Variants in ANO3 observed in about 807,000 individuals in gnomAD.
ANO3 encodes the protein anoctamin 3.
In ANO3, 99 loss-of-function variants were observed where a neutral mutation model predicts 144.8. The ratio of observed to expected loss-of-function variants is 0.68; its 90% CI spans 0.58 to 0.81. ANO3 has a LOEUF of 0.81. Among genes scored for constraint, ANO3 ranks in the 30% least tolerant of loss-of-function variants. ANO3 has a pLI of 0.00. For missense variants in ANO3, 905 were observed against 1,202.2 expected (o/e 0.75, Z 3.66); for synonymous variants, 414 against 392.6 (o/e 1.05, Z -0.64).
At chr11:26,425,553 C>T (rs1229588453) in intron 1 of ANO3, among the ~76,000 whole-genome samples, 1 of 151,910 alleles carries the variant, frequency 6.6e-6, no homozygotes, top group Non-Finnish European at 1.5e-5. Flanking sequence ...AAATTGTATT[C>T]TATTTCATTT....
At chr11:26,614,135 G>T (rs1852180536) in intron 17 of ANO3, among the ~76,000 whole-genome samples, 2 of 152,218 alleles carry the variant, frequency 1.3e-5, no homozygotes, top group Non-Finnish European at 2.9e-5. Flanking sequence ...ACATATGCAG[G>T]TGTTGGGGAT....
chr11:26,510,990 T>C (rs1219496232), intron 5 of ANO3, among the ~76,000 whole-genome samples: 6 of 152,202 alleles, frequency 3.9e-5, no homozygotes, highest in African/African-American at 1.4e-4. Context: ...TCTACTCTTA[T>C]TCCTGAACAG....
intron 14 of ANO3, among the ~76,000 whole-genome samples, chr11:26,567,442 G>T (rs1428052527): frequency 6.6e-6 from 1 of 151,774 alleles, no homozygotes; most frequent in Non-Finnish European, 1.5e-5. Flanking sequence ...CAGCCTTGTT[G>T]ATTTTTCATT....
chr11:26,302,484 ACT>A (rs1235818371), intron 1 of ANO3, among the ~76,000 whole-genome samples: 1 of 152,110 alleles, frequency 6.6e-6, no homozygotes, highest in African/African-American at 2.4e-5. Context: ...ACAGAGTGAG[ACT>A]CTGTCTCAAA....
At chr11:26,433,315 G>C (rs1057011104) in intron 1 of ANO3, among the ~76,000 whole-genome samples, 1 of 152,068 alleles carries the variant, frequency 6.6e-6, no homozygotes, top group South Asian at 2.1e-4. Flanking sequence ...AGTTTTCTAC[G>C]TATACAATCA....
intron 10 of ANO3, among the ~76,000 whole-genome samples, chr11:26,539,013 A>C (rs1424414358): frequency 6.6e-6 from 1 of 151,886 alleles, no homozygotes; most frequent in Non-Finnish European, 1.5e-5. Context: ...CCAATCTCTT[A>C]TTTTTACCAG....
intron 1 of ANO3, among the ~76,000 whole-genome samples, chr11:26,201,568 C>G (rs1851693178): frequency 6.6e-6 from 1 of 151,960 alleles, no homozygotes; most frequent in Non-Finnish European, 1.5e-5. Flanking sequence ...AGCTGACTGA[C>G]TCTGACTTCG....
intron 1 of ANO3, among the ~76,000 whole-genome samples, chr11:26,345,300 A>T (rs1261607466): frequency 6.6e-6 from 1 of 152,204 alleles, no homozygotes. Flanking sequence ...TATGCCTGTA[A>T]TCCCAGCACT....
intron 3 of ANO3, among the ~76,000 whole-genome samples, chr11:26,446,266 A>G (rs184819569): frequency 4.7e-4 from 72 of 152,364 alleles, no homozygotes; most frequent in Admixed American, 1.1e-3. Flanking sequence ...CATTTTGGCA[A>G]TACATGTTCT....
At chr11:26,613,214 G>A (rs1210405846) in intron 17 of ANO3, among the ~76,000 whole-genome samples, 1 of 151,918 alleles carries the variant, frequency 6.6e-6, no homozygotes, top group Non-Finnish European at 1.5e-5. Flanking sequence ...TTCTCTGACT[G>A]TTATTTTAAA....
chr11:26,616,545 A>G (rs1219336663), intron 17 of ANO3, among the ~76,000 whole-genome samples: 1 of 152,024 alleles, frequency 6.6e-6, no homozygotes, highest in African/African-American at 2.4e-5. Flanking sequence ...GGCAAAGGAA[A>G]ATGAAGGAGC....
intron 4 of ANO3, among the ~76,000 whole-genome samples, chr11:26,482,383 A>G (rs1273785689): frequency 6.6e-6 from 1 of 151,108 alleles, no homozygotes; most frequent in African/African-American, 2.4e-5. Flanking sequence ...TACAAATCTA[A>G]CATTTTAATT....
chr11:26,338,277 A>C (rs752403035), intron 1 of ANO3, among the ~76,000 whole-genome samples: 31 of 152,168 alleles, frequency 2.0e-4, no homozygotes, highest in Non-Finnish European at 2.5e-4. Flanking sequence ...AGCACTCTGT[A>C]AAAATGCACC....
chr11:26,658,375 A>T (rs533996506), intron 26 of ANO3, among the ~76,000 whole-genome samples: 1 of 152,212 alleles, frequency 6.6e-6, no homozygotes, highest in African/African-American at 2.4e-5. Flanking sequence ...GAACTTTGGG[A>T]GGCCCAGGCA....
intron 1 of ANO3, among the ~76,000 whole-genome samples, chr11:26,415,795 A>G (rs960286271): frequency 2.8e-4 from 43 of 152,090 alleles, no homozygotes; most frequent in Admixed American, 1.1e-3. Context: ...TCTCTGCACA[A>G]TGTGAATGAT....
intron 1 of ANO3, among the ~76,000 whole-genome samples, chr11:26,254,793 T>G (rs1853017374): frequency 6.6e-6 from 1 of 152,166 alleles, no homozygotes. Context: ...ATTAAAATTA[T>G]GTGAAGCTCA....
chr11:26,214,623 G>C (rs1188129462), intron 1 of ANO3, among the ~76,000 whole-genome samples: 1 of 151,812 alleles, frequency 6.6e-6, no homozygotes, highest in African/African-American at 2.4e-5. Context: ...TTTTAGAACA[G>C]ATTTAGGTTT....
intron 1 of ANO3, among the ~76,000 whole-genome samples, chr11:26,240,943 T>C (rs1361903657): frequency 6.6e-6 from 1 of 152,208 alleles, no homozygotes; most frequent in Non-Finnish European, 1.5e-5. Context: ...ATGGTTTGGC[T>C]GTGTCCCCAC....
intron 1 of ANO3, among the ~76,000 whole-genome samples, chr11:26,217,895 C>A (rs528291856): frequency 3.0e-4 from 45 of 151,972 alleles, no homozygotes; most frequent in African/African-American, 5.8e-4. Context: ...TGAAGAGATG[C>A]CTGTGTTAAC....
Sources: gnomAD v4.1 joint callset for allele counts (sites outside exome capture counted in the v4.1 genomes callset) on GRCh38, gnomAD v4.1.1 for gene constraint, MANE v1.5 for transcripts, NCBI Gene and HGNC (gene_info 2026-07-23, HGNC 2026-07-21) for gene names.